DNAL4: variants seen among roughly 807,000 people sequenced by gnomAD.
The protein encoded by DNAL4 is dynein light chain, outer arm 4.
In DNAL4, 10 loss-of-function variants were observed where a neutral mutation model predicts 12.6. The ratio of observed to expected loss-of-function variants is 0.79; its 90% CI spans 0.49 to 1.34. DNAL4 has a LOEUF of 1.34. Ranked by LOEUF, DNAL4 falls within the 40% of genes most tolerant of loss-of-function variation. The pLI, the probability that DNAL4 is intolerant of heterozygous loss-of-function variation, is 0.00. For missense variants in DNAL4, 128 were observed against 138.1 expected (o/e 0.93, Z 0.37); for synonymous variants, 46 against 53.1 (o/e 0.87, Z 0.58).
At chr22:38,786,873 C>A (rs1462229765) in intron 1 of DNAL4, among the ~76,000 whole-genome samples, 2 of 152,212 alleles carry the variant, frequency 1.3e-5, no homozygotes, top group Non-Finnish European at 2.9e-5. Context: ...TTTTGTGGCA[C>A]TGACCTCAGT....
chr22:38,786,183 T>C (rs535481459), intron 1 of DNAL4, among the ~76,000 whole-genome samples: 6 of 152,312 alleles, frequency 3.9e-5, no homozygotes, highest in African/African-American at 1.4e-4. Flanking sequence ...CTAACAACCT[T>C]ATCAATCTTC....
intron 1 of DNAL4, among the ~76,000 whole-genome samples, chr22:38,787,224 T>TTTTCTTTC (rs554835421): frequency 5.3e-5 from 8 of 151,548 alleles, no homozygotes; most frequent in African/African-American, 1.7e-4. Flanking sequence ...TTTTCTTTTC[T>TTTTCTTTC]TTTCTTTCTT....
At chr22:38,790,959 G>C (rs1010250022) in intron 1 of DNAL4, among the ~76,000 whole-genome samples, 1 of 152,166 alleles carries the variant, frequency 6.6e-6, no homozygotes, top group South Asian at 2.1e-4. Context: ...CTTGAAGTCA[G>C]GAGTTCGAGA....
chr22:38,779,447 T>A lies in DNAL4; in HGVS notation c.*2A>T. 1 of 1,564,434 alleles carries A rather than the reference T, an allele frequency of 6.4e-7. No homozygotes were observed. Among genetic ancestry groups the A allele is most frequent in the Non-Finnish European group, 8.7e-7 (1 of 1,154,828 alleles). ...GCAGGGGACGGGGCAGGGGACAGAG[T>A]GTCAGGAGCACTTCCAGACGCACAC... On this transcript the variant is annotated 3_prime_UTR_variant, in exon 4 of 4. Transcript: ENST00000216068. This position sits in a 1 kb window ranked among gnomAD's most constrained non-coding sequence, Gnocchi z 4.3.
intron 1 of DNAL4, among the ~76,000 whole-genome samples, chr22:38,790,594 T>C (rs768696909): frequency 1.3e-5 from 2 of 152,130 alleles, no homozygotes; most frequent in Non-Finnish European, 2.9e-5. Context: ...CACCAAGTCA[T>C]GGGCTATCGG....
At chr22:38,793,531 C>A (rs994433721) in intron 1 of DNAL4, among the ~76,000 whole-genome samples, 12 of 151,994 alleles carry the variant, frequency 7.9e-5, no homozygotes, top group Non-Finnish European at 1.3e-4. Context: ...CTCTCGGAAG[C>A]CTAAAGTTGG....
At chr22:38,790,373 C>T (rs2093048755) in intron 1 of DNAL4, among the ~76,000 whole-genome samples, 2 of 152,124 alleles carry the variant, frequency 1.3e-5, no homozygotes, top group Admixed American at 1.3e-4. Flanking sequence ...CTGCATGCAG[C>T]AGAATCAAAA....
At chr22:38,793,641 C>G (rs1350089177) in intron 1 of DNAL4, among the ~76,000 whole-genome samples, 2 of 152,140 alleles carry the variant, frequency 1.3e-5, no homozygotes, top group Non-Finnish European at 2.9e-5. Flanking sequence ...GAGGCCCAAA[C>G]AGGGGAAATG....
intron 1 of DNAL4, among the ~76,000 whole-genome samples, chr22:38,792,465 G>A (rs1359906650): frequency 1.3e-5 from 2 of 152,098 alleles, no homozygotes; most frequent in Admixed American, 6.5e-5. Context: ...TGTATTTTTA[G>A]TAGGGACAGG....
intron 2 of DNAL4, among the ~76,000 whole-genome samples, chr22:38,781,459 G>T (rs1319001049): frequency 6.6e-6 from 1 of 152,018 alleles, no homozygotes; most frequent in Non-Finnish European, 1.5e-5. Context: ...GGAGGGCCCT[G>T]GGCCCCACCT....
chr22:38,782,717 T>G lies in DNAL4; in HGVS notation c.15A>C (p.Glu5Asp). The G allele has an allele frequency of 6.2e-7, 1 of 1,611,362 alleles. No individual in the cohort carries two copies. The highest frequency in any genetic ancestry group is 8.5e-7 in the Non-Finnish European group (1 of 1,178,522). The change falls in exon 2 of 4, where the codon GAA becomes GAC. Residue 5 changes from glutamate to aspartate, a missense_variant. Coordinates refer to ENST00000216068, the MANE Select transcript of DNAL4 (RefSeq NM_005740.3). The surrounding 1 kb of genome is among the most constrained non-coding windows in gnomAD (Gnocchi z 5.1). ...TATAATCAGCCTCATCTTTCTTCCC[T>G]TCTGTTTCTCCCATGATCCTTCCAC... MGET[E>D]GKKDEADYKR...
rs1277184822 is a variant in DNAL4, at chr22:38,782,836, CGGT to C, written c.-108_-106del. On this transcript the variant is annotated 5_prime_UTR_variant, in exon 2 of 4. Coordinates refer to ENST00000216068, the MANE Select transcript of DNAL4 (RefSeq NM_005740.3). The surrounding 1 kb of genome is among the most constrained non-coding windows in gnomAD (Gnocchi z 5.1). ...ATTCAGGAAGCAGGCCCTGCCAACTCGGTGGGAGCAGAAAATGTCTTTCCCCGG... is the reference window on the plus strand; with the variant it reads ...ATTCAGGAAGCAGGCCCTGCCAACTCGGGAGCAGAAAATGTCTTTCCCCGG... 6 of 1,068,708 alleles carry C rather than the reference CGGT, an allele frequency of 5.6e-6. No homozygotes were observed. Among genetic ancestry groups the C allele is most frequent in the Non-Finnish European group, 5.3e-6 (4 of 751,484 alleles). 66.2% of individuals were successfully genotyped at this position (1,068,708 alleles called of 1,614,324 possible).
At chr22:38,790,266 G>A (rs781594702) in intron 1 of DNAL4, among the ~76,000 whole-genome samples, 2 of 152,172 alleles carry the variant, frequency 1.3e-5, no homozygotes, top group African/African-American at 2.4e-5. Context: ...AGGAGCAGTC[G>A]CTAGGAAGCT....
Position 38,778,583 on chromosome 22 carries a change from C to A in DNAL4, c.*866G>T, listed in dbSNP as rs2093029467. 6.6e-6 allele frequency: 1 copy of A among 152,650 alleles called. No homozygotes were observed. The highest frequency in any genetic ancestry group is 1.5e-5 in the Non-Finnish European group (1 of 68,054). The allele number at this position is 152,650 out of a possible 1,614,324, so 9.5% of individuals were successfully genotyped here. A position where few individuals can be genotyped will look rare whatever the true frequency, so the allele number is the denominator to read the frequency against. Reference sequence around the variant, plus strand: ...GACCGCTGTGTAAAATACGATTCACCCTTCTACTAAAACCCTTTTCCCACA... The same window carrying A: ...GACCGCTGTGTAAAATACGATTCACACTTCTACTAAAACCCTTTTCCCACA... On this transcript the variant is annotated 3_prime_UTR_variant, in exon 4 of 4. Coordinates refer to ENST00000216068, the MANE Select transcript of DNAL4 (RefSeq NM_005740.3).
intron 1 of DNAL4, chr22:38,786,130 C>T (rs940055193): frequency 6.6e-6 from 1 of 152,228 alleles, no homozygotes; most frequent in African/African-American, 2.4e-5. Context: ...AGTCCTAAAA[C>T]TCTCCTCAAA....
chr22:38,789,464 C>T (rs1051979965), intron 1 of DNAL4, among the ~76,000 whole-genome samples: 5 of 152,048 alleles, frequency 3.3e-5, no homozygotes, highest in Admixed American at 1.3e-4. Flanking sequence ...TTTGGAGAGA[C>T]GGGGTTTTGC....
chr22:38,789,948 A>G (rs2093048075), intron 1 of DNAL4, among the ~76,000 whole-genome samples: 1 of 152,228 alleles, frequency 6.6e-6, no homozygotes, highest in African/African-American at 2.4e-5. Context: ...GAATTTGGCA[A>G]AGAAGGGAGA....
intron 2 of DNAL4, among the ~76,000 whole-genome samples, chr22:38,781,235 C>T (rs902768131): frequency 1.3e-5 from 2 of 152,206 alleles, no homozygotes; most frequent in East Asian, 1.9e-4. Context: ...TGCAAGGGCA[C>T]GAAGCCAGCA....
In DNAL4 at chr22:38,787,211, C is replaced by G. The variant is rs117509786; in HGVS notation, c.-139-4341G>C. On this transcript the variant is annotated intron_variant, in intron 1 of 3. Transcript: ENST00000216068. ...GACAAGGGCTTACCTCCCTAAGCCT[C>G]AGTTTTCTTTTCTTTTCTTTCTTTC... Among the ~76,000 whole-genome samples the G allele has an allele frequency of 5.3e-3, 800 of 151,770 alleles. 3 individuals carry two copies. Among genetic ancestry groups the G allele is most frequent in the Middle Eastern group, 0.01 (3 of 294 alleles).
Sources: gnomAD v4.1 joint callset for allele counts (sites outside exome capture counted in the v4.1 genomes callset) on GRCh38, gnomAD v4.1.1 for gene constraint, Gnocchi (gnomAD v3.1) non-coding constraint, MANE v1.5 for transcripts, NCBI Gene and HGNC (gene_info 2026-07-23, HGNC 2026-07-21) for gene names.